CNTN3: variants seen among roughly 807,000 people sequenced by gnomAD.
CNTN3 encodes the protein contactin 3, also known as contactin-3.
Under a neutral mutation model 119.1 loss-of-function variants are expected in CNTN3, and 60 were observed. The observed-to-expected ratio is 0.50, with a 90% CI of 0.41 to 0.62. The LOEUF is 0.62. CNTN3 is among the 20% of genes least tolerant of loss of function. CNTN3 has a pLI of 0.00. For missense variants in CNTN3, 1,101 were observed against 1,242.4 expected (o/e 0.89, Z 1.71); for synonymous variants, 450 against 438.7 (o/e 1.03, Z -0.32).
intron 13 of CNTN3, among the ~76,000 whole-genome samples, chr3:74,308,551 G>C (rs1702610444): frequency 1.3e-5 from 2 of 152,092 alleles, no homozygotes; most frequent in African/African-American, 4.8e-5. Flanking sequence ...TGTGTCAAGT[G>C]CCACGGTGCC....
intron 4 of CNTN3, among the ~76,000 whole-genome samples, chr3:74,429,885 TCAA>T (rs913604017): frequency 6.6e-5 from 10 of 152,078 alleles, no homozygotes; most frequent in Admixed American, 2.0e-4. Flanking sequence ...GAAAAGATGT[TCAA>T]CATCATTAGA....
chr3:74,501,300 T>G (rs1194016185), intron 2 of CNTN3, among the ~76,000 whole-genome samples: 1 of 152,040 alleles, frequency 6.6e-6, no homozygotes, highest in Non-Finnish European at 1.5e-5. Flanking sequence ...CAGTCACACC[T>G]ACATAATAAG....
chr3:74,292,412 A>G (rs565671320), intron 19 of CNTN3, among the ~76,000 whole-genome samples: 9 of 152,254 alleles, frequency 5.9e-5, no homozygotes, highest in African/African-American at 1.7e-4. Flanking sequence ...TAAAAAATAC[A>G]AAAGTTAGCT....
chr3:74,423,596 T>C (rs1003709461), intron 5 of CNTN3, among the ~76,000 whole-genome samples: 16 of 152,226 alleles, frequency 1.1e-4, no homozygotes, highest in Admixed American at 9.8e-4. Flanking sequence ...ATCCCAGTTA[T>C]GTGAGCCAGC....
At chr3:74,461,200 T>C (rs1179600709) in intron 4 of CNTN3, among the ~76,000 whole-genome samples, 1 of 151,968 alleles carries the variant, frequency 6.6e-6, no homozygotes, top group Non-Finnish European at 1.5e-5. Context: ...ATAAACCCTA[T>C]TTGAACAATT....
intron 18 of CNTN3, among the ~76,000 whole-genome samples, chr3:74,296,791 C>T (rs1702345796): frequency 1.3e-5 from 2 of 151,944 alleles, no homozygotes; most frequent in Non-Finnish European, 1.5e-5. Flanking sequence ...AATAATAGTG[C>T]CTATATTTTT....
At chr3:74,529,408 C>T (rs1225591203) in intron 1 of CNTN3, among the ~76,000 whole-genome samples, 1 of 151,866 alleles carries the variant, frequency 6.6e-6, no homozygotes, top group African/African-American at 2.4e-5. Context: ...AATGTAGTGG[C>T]AACTCTAAGA....
At chr3:74,504,975 C>A (rs1445143158) in intron 2 of CNTN3, among the ~76,000 whole-genome samples, 1 of 152,048 alleles carries the variant, frequency 6.6e-6, no homozygotes, top group Non-Finnish European at 1.5e-5. Flanking sequence ...GGGTTGATTT[C>A]TTCTGAGGGT....
intron 5 of CNTN3, among the ~76,000 whole-genome samples, chr3:74,409,988 C>T (rs1391804942): frequency 6.6e-6 from 1 of 152,170 alleles, no homozygotes; most frequent in Non-Finnish European, 1.5e-5. Flanking sequence ...AGAAAGAAGT[C>T]ATGAATTCTT....
intron 11 of CNTN3, among the ~76,000 whole-genome samples, chr3:74,345,185 A>ACAAT (rs1200002694): frequency 6.6e-6 from 1 of 152,144 alleles, no homozygotes; most frequent in Non-Finnish European, 1.5e-5. Flanking sequence ...ATTTCTTCAT[A>ACAAT]CAATATAGAG....
intron 11 of CNTN3, among the ~76,000 whole-genome samples, chr3:74,338,975 T>A (rs907116974): frequency 6.6e-6 from 1 of 152,070 alleles, no homozygotes; most frequent in African/African-American, 2.4e-5. Context: ...ATGCCTCCCA[T>A]AACTTTACTG....
chr3:74,385,786 A>T (rs1311210388), intron 5 of CNTN3, among the ~76,000 whole-genome samples: 3 of 152,224 alleles, frequency 2.0e-5, no homozygotes, highest in African/African-American at 7.2e-5. Flanking sequence ...TAAAATATGT[A>T]TGCAGGTCCT....
rs1184697605 is a variant in CNTN3, at chr3:74,516,743, G to A, written c.55+4315C>T. ...AAGAAAAATCTTGAGTTCCTTCAAC[G>A]GAAATTCCAGGCGCTGAGCTAGCCC... is the stretch of plus-strand genomic sequence containing the variant. On this transcript the variant is annotated intron_variant, in intron 2 of 22. Transcript: ENST00000263665. Among the ~76,000 whole-genome samples, 14 of 147,124 alleles carry A rather than the reference G, an allele frequency of 9.5e-5. 1 individual carries two copies. The highest frequency in any genetic ancestry group is 3.8e-4 in the African/African-American group (14 of 37,090).
intron 1 of CNTN3, among the ~76,000 whole-genome samples, chr3:74,560,845 TA>T (rs1227220045): frequency 6.6e-6 from 1 of 151,676 alleles, no homozygotes; most frequent in Non-Finnish European, 1.5e-5. Context: ...TATGCAGCCA[TA>T]AAAAATGATG....
chr3:74,573,232 T>C (rs1374375869), intron 1 of CNTN3, among the ~76,000 whole-genome samples: 1 of 151,488 alleles, frequency 6.6e-6, no homozygotes, highest in African/African-American at 2.4e-5. Flanking sequence ...GAGAAAGGGG[T>C]GGGAAGGACT....
At chr3:74,528,387 TACTA>T (rs1489732527) in intron 1 of CNTN3, among the ~76,000 whole-genome samples, 2 of 151,950 alleles carry the variant, frequency 1.3e-5, no homozygotes, top group African/African-American at 4.8e-5. Context: ...AATGTAATAA[TACTA>T]ACTTTTATGG....
intron 4 of CNTN3, among the ~76,000 whole-genome samples, chr3:74,442,695 CAA>C (rs2106931088): frequency 6.6e-6 from 1 of 152,258 alleles, no homozygotes; most frequent in African/African-American, 2.4e-5. Flanking sequence ...ATGGGTGGTG[CAA>C]AGATTCAGCA....
At chr3:74,511,874 C>T (rs764423032) in intron 2 of CNTN3, among the ~76,000 whole-genome samples, 11 of 152,152 alleles carry the variant, frequency 7.2e-5, no homozygotes, top group African/African-American at 1.4e-4. Flanking sequence ...TACTATCTAG[C>T]GCATGTTATG....
intron 4 of CNTN3, among the ~76,000 whole-genome samples, chr3:74,456,741 A>T (rs1022647426): frequency 6.6e-6 from 1 of 152,094 alleles, no homozygotes; most frequent in Non-Finnish European, 1.5e-5. Context: ...TCATATTTTC[A>T]ATAAAAAATT....
Sources: gnomAD v4.1 joint callset for allele counts (sites outside exome capture counted in the v4.1 genomes callset) on GRCh38, gnomAD v4.1.1 for gene constraint, MANE v1.5 for transcripts, NCBI Gene and HGNC (gene_info 2026-07-23, HGNC 2026-07-21) for gene names.